The following FBLN2 variants were observed in gnomAD, a reference collection of about 807,000 sequenced individuals.
The protein encoded by FBLN2 is fibulin-2.
FBLN2 carries 81 observed loss-of-function variants against 123.7 expected under a neutral mutation model. That is an observed-to-expected ratio of 0.65 (90% CI 0.55 to 0.79). The LOEUF is 0.79. FBLN2 is among the 30% of genes least tolerant of loss of function. The pLI is 0.00. For missense variants in FBLN2, 1,603 were observed against 1,681.3 expected, an observed-to-expected ratio of 0.95 and a Z score of 0.81; for synonymous variants, 699 against 701.4, an observed-to-expected ratio of 1.00 and a Z score of 0.05.
chr3:13,592,037 T>TA (rs1704694135), intron 2 of FBLN2, among the ~76,000 whole-genome samples: 1 of 149,518 alleles, frequency 6.7e-6, no homozygotes, highest in Non-Finnish European at 1.5e-5. Context: ...TTTTTTTTTT[T>TA]ATTTTGAGCC....
At chr3:13,568,495 G>A (rs1390784882) in intron 1 of FBLN2, among the ~76,000 whole-genome samples, 4 of 152,184 alleles carry the variant, frequency 2.6e-5, no homozygotes, top group Admixed American at 2.0e-4. Flanking sequence ...AGGCTCCAGC[G>A]CTTACAGGCA....
intron 1 of FBLN2, among the ~76,000 whole-genome samples, chr3:13,556,461 C>G (rs1429011587): frequency 6.6e-6 from 1 of 152,182 alleles, no homozygotes; most frequent in African/African-American, 2.4e-5. Flanking sequence ...ATCTAAACCT[C>G]CTAATGGGGG....
chr3:13,596,953 A>G (rs1206225425), intron 2 of FBLN2, among the ~76,000 whole-genome samples: 1 of 151,482 alleles, frequency 6.6e-6, no homozygotes, highest in Non-Finnish European at 1.5e-5. Flanking sequence ...TTTATTTTAG[A>G]TAAGGTCTTG....
intron 2 of FBLN2, among the ~76,000 whole-genome samples, chr3:13,575,239 G>A (rs1704097796): frequency 6.6e-6 from 1 of 152,220 alleles, no homozygotes; most frequent in South Asian, 2.1e-4. Flanking sequence ...TAAGCCGCAT[G>A]CTCAGATTCT....
At chr3:13,571,705 G>C in intron 2 of FBLN2, 44 bp downstream of exon 2, 1 of 1,476,634 alleles carries the variant, frequency 6.8e-7, no homozygotes, top group Non-Finnish European at 9.0e-7. Context: ...TGTGTGGGAA[G>C]GGCAGCCTTG....
chr3:13,555,797 T>G (rs1268123768), intron 1 of FBLN2, among the ~76,000 whole-genome samples: 2 of 152,188 alleles, frequency 1.3e-5, no homozygotes, highest in Non-Finnish European at 2.9e-5. Flanking sequence ...CTGAGAGGTG[T>G]GGGAGGCACA....
Position 13,637,683 on chromosome 3 carries a change from G to T in FBLN2, c.3460G>T (p.Gly1154Cys). 4.3e-6 allele frequency: 7 copies of T among 1,613,978 alleles called. No homozygotes were observed. Among genetic ancestry groups the T allele is most frequent in the Non-Finnish European group, 5.9e-6 (7 of 1,179,886 alleles). ...GGTGCCTGCGCATATCTTCCGCATT[G>T]GCCCCGCGCCAGCCTTCACGGGGGA... ...LLVPAHIFRI[G>C]PAPAFTGDTI... is the part of the protein sequence containing the mutation. Residue 1154 changes from glycine to cysteine, a missense_variant, in exon 18 of 18, where the codon GGC (glycine) becomes TGC (cysteine). Physicochemically the swap from Gly to Cys is radical, Grantham distance 159 (BLOSUM62 -3). Transcript: ENST00000404922.
At chr3:13,631,273 T>C in intron 15 of FBLN2, 56 bp from the exon 16 acceptor site, 1 of 1,573,066 alleles carries the variant, frequency 6.4e-7, no homozygotes, top group Non-Finnish European at 8.6e-7. Context: ...TGACTGTCAG[T>C]GGCTGGGCTC....
At chr3:13,615,620 G>T (rs1358178343) in intron 5 of FBLN2, among the ~76,000 whole-genome samples, 1 of 152,234 alleles carries the variant, frequency 6.6e-6, no homozygotes, top group Non-Finnish European at 1.5e-5. Context: ...GTGCAAGGAT[G>T]AATGATAGGA....
chr3:13,633,972 C>CACACACACACACACAG lies in FBLN2; in HGVS notation c.3215-2458_3215-2457insGACACACACACACACA, dbSNP rs1489509814. On this transcript the variant is annotated intron_variant, in intron 16 of 17. Coordinates refer to ENST00000404922, the MANE Select transcript of FBLN2 (RefSeq NM_001004019.2). ...CACTGCAAACACACACACACACACACACACACACACACACACACACACAGC... is the reference window on the plus strand; with the variant it reads ...CACTGCAAACACACACACACACACACACACACACACACACAGACACACACACACACACACACACAGC... Among the ~76,000 whole-genome samples the CACACACACACACACAG allele has an allele frequency of 2.6e-5, 4 of 151,082 alleles. No individual in the cohort carries two copies. In the East Asian group the frequency reaches 7.8e-4, roughly 30 times the overall value.
rs571760387 is a variant in FBLN2 at position 13,629,850 on chromosome 3, G to A, written c.2873G>A (p.Arg958His). The change falls in exon 14 of 18, where the codon CGC becomes CAC. Residue 958 changes from arginine (R) to histidine (H), a missense_variant. Transcript: ENST00000404922. ...DVNECWASPGRLCQHTCENTL... is the reference protein window; with the variant it reads ...DVNECWASPGHLCQHTCENTL... ...AATGAGTGCTGGGCCTCGCCAGGCCGCCTGTGCCAGCACACGTGTGAGAAC... is the reference window on the plus strand; with the variant it reads ...AATGAGTGCTGGGCCTCGCCAGGCCACCTGTGCCAGCACACGTGTGAGAAC... 28 of 1,586,706 alleles carry A rather than the reference G, an allele frequency of 1.8e-5. No individual in the cohort carries two copies. The East Asian group carries it at 3.7e-4, about 21-fold the overall frequency.
rs570714711 is a variant in FBLN2, at chr3:13,599,102, GC to G, written c.1307-8959del. 1.1e-3 allele frequency among the ~76,000 whole-genome samples: 161 copies of G among 152,344 alleles called. 1 individual carries two copies. Among genetic ancestry groups the G allele is most frequent in the Admixed American group, 1.9e-3 (29 of 15,308 alleles). On this transcript the variant is annotated intron_variant, in intron 2 of 17. Coordinates refer to ENST00000404922, the MANE Select transcript of FBLN2 (RefSeq NM_001004019.2). ...AGAGAGAGGCACTTTATCCTGTGGG[GC>G]AGTGGCTTTTCTGTGGGATCTGTGG...
intron 2 of FBLN2, among the ~76,000 whole-genome samples, chr3:13,607,510 GT>G (rs1705247011): frequency 6.6e-6 from 1 of 152,132 alleles, no homozygotes; most frequent in African/African-American, 2.4e-5. Flanking sequence ...TGTTCCAGGG[GT>G]CAAGTGTGTA....
intron 4 of FBLN2, among the ~76,000 whole-genome samples, chr3:13,612,295 C>CTTTCTTTCTT (rs1705420663): frequency 2.1e-4 from 2 of 9,552 alleles, no homozygotes; most frequent in African/African-American, 3.5e-4. Flanking sequence ...TTTTATTTTC[C>CTTTCTTTCTT]TTTCTTTCTT....
At chr3:13,630,429 G>A (rs77922269) in intron 14 of FBLN2, among the ~76,000 whole-genome samples, 4,309 of 152,322 alleles carry the variant, frequency 0.028, 212 homozygotes, top group African/African-American at 0.096. Flanking sequence ...TGGGGTCTTG[G>A]CCCCATTTAC....
rs758955734 is a variant in FBLN2, at chr3:13,619,751, T to A, written c.2075T>A (p.Val692Glu). 4.3e-6 allele frequency: 7 copies of A among 1,613,366 alleles called. No individual in the cohort carries two copies. The East Asian group carries it at 1.6e-4, about 36-fold the overall frequency. ...CCAGACAATGGACCCTGCAAGCAGGTGTGCAGCACTGTTGGGGGCTCAGCC... is the reference window on the plus strand; with the variant it reads ...CCAGACAATGGACCCTGCAAGCAGGAGTGCAGCACTGTTGGGGGCTCAGCC... ...TCKDNGPCKQ[V>E]CSTVGGSAIC... Residue 692 changes from valine (V) to glutamate (E), a missense_variant, in exon 8 of 18, where the codon GTG becomes GAG. By Grantham distance (121) the Val-to-Glu change is moderately radical. Transcript: ENST00000404922.
intron 17 of FBLN2, 48 bp downstream of exon 17, chr3:13,636,616 C>A: frequency 6.3e-7 from 1 of 1,592,484 alleles, no homozygotes; most frequent in East Asian, 2.3e-5. Flanking sequence ...TGTCCTGGTC[C>A]TGTACTATCC....
chr3:13,597,764 G>A (rs750354642), intron 2 of FBLN2, among the ~76,000 whole-genome samples: 1 of 152,246 alleles, frequency 6.6e-6, no homozygotes, highest in African/African-American at 2.4e-5. Flanking sequence ...GTGCCACTTG[G>A]CGTGGGAACA....
Position 13,570,483 on chromosome 3 carries a change from A to G in FBLN2, c.128A>G (p.Asn43Ser), listed in dbSNP as rs1351489273. 1.3e-6 allele frequency: 2 copies of G among 1,583,774 alleles called. No individual in the cohort carries two copies. The highest frequency in any genetic ancestry group is 2.3e-5 in the East Asian group (1 of 43,392). The change falls in exon 2 of 18, where the codon AAC (asparagine) becomes AGC (serine). Residue 43 changes from asparagine (N) to serine (S), a missense_variant. Transcript: ENST00000404922. ...CTGVECPPLE[N>S]CIEEALEPGA... is the part of the protein sequence containing the mutation. ...GGCGTGGAGTGCCCGCCGCTGGAGA[A>G]CTGCATTGAGGAGGCGCTGGAGCCG...
Sources: allele counts gnomAD v4.1 joint callset (sites outside exome capture counted in the v4.1 genomes callset), GRCh38; gene constraint gnomAD v4.1.1; transcripts MANE v1.5; gene names NCBI Gene and HGNC (gene_info 2026-07-23, HGNC 2026-07-21).